The following USP24 variants were observed in gnomAD, a reference collection of about 807,000 sequenced individuals.
USP24 encodes the protein ubiquitin specific peptidase 24.
USP24 carries 97 observed loss-of-function variants against 361.6 expected under a neutral mutation model. The observed-to-expected ratio is 0.27, with a 90% CI of 0.23 to 0.32. The LOEUF (loss-of-function observed/expected upper bound fraction) is 0.32. USP24 is among the 10% of genes least tolerant of loss of function. The pLI is 1.00. For synonymous variants in USP24, 1,098 were observed against 1,124.6 expected (o/e 0.98, Z 0.47); for missense variants, 2,353 against 3,165.6 (o/e 0.74, Z 6.16).
chr1:55,129,143 C>A (rs1646522179), intron 32 of USP24, among the ~76,000 whole-genome samples: 1 of 152,154 alleles, frequency 6.6e-6, no homozygotes, highest in Non-Finnish European at 1.5e-5. Flanking sequence ...ATACCTTGCA[C>A]AATATGGATT....
intron 1 of USP24, among the ~76,000 whole-genome samples, chr1:55,187,665 A>G (rs1044211573): frequency 1.3e-5 from 2 of 152,190 alleles, no homozygotes; most frequent in African/African-American, 4.8e-5. Flanking sequence ...ACAATGGGTA[A>G]TCCTAAAATA....
chr1:55,138,653 G>C lies in USP24; in HGVS notation c.2883C>G (p.Thr961=), dbSNP rs987720417. Residue 961 remains threonine, a synonymous_variant, in exon 26 of 68, where the codon ACC becomes ACG. Transcript: ENST00000294383. ...TGGTAGACTCATAGGTAACATTAAG[G>C]GTTAAAAGATGTCCATGAAATGAGG... is the stretch of plus-strand genomic sequence containing the variant. ...HGASFHGHLL[T]LNVTYESTKD... is the part of the protein sequence containing the mutation. 6.2e-7 allele frequency: 1 copy of C among 1,613,010 alleles called. No individual in the cohort carries two copies.
intron 1 of USP24, among the ~76,000 whole-genome samples, chr1:55,188,159 T>C (rs1383756496): frequency 1.3e-5 from 2 of 152,048 alleles, no homozygotes; most frequent in Admixed American, 6.6e-5. Context: ...AAAAAAGTAA[T>C]CCAATGGAGG....
chr1:55,198,916 C>T (rs10465803), intron 1 of USP24, among the ~76,000 whole-genome samples: 5,236 of 152,214 alleles, frequency 0.034, 230 homozygotes, highest in African/African-American at 0.1. Flanking sequence ...ATCTTTTAAA[C>T]ATAAGAGATC....
chr1:55,200,608 G>A (rs1644544372), intron 1 of USP24, among the ~76,000 whole-genome samples: 1 of 152,096 alleles, frequency 6.6e-6, no homozygotes, highest in African/African-American at 2.4e-5. Flanking sequence ...AGCTCACTTG[G>A]ATTAACAGTG....
At position 55,154,445 on chromosome 1, in the gene USP24, T is replaced by C; in HGVS notation, c.1576A>G (p.Arg526Gly). Residue 526 changes from arginine (R) to glycine (G), a missense_variant, in exon 14 of 68, where the codon AGA becomes GGA. Arg to Gly is a moderately radical substitution (Grantham distance 125). Around this residue, in one of 8 missense-constraint regions of USP24, gnomAD observed 386 missense variants for 560.5 expected, o/e 0.69. Transcript: ENST00000294383. ...AGGCTCAAAAGCTTCTGTCTTACTCTATCACTCTCAGTCTCCCAGCTCTGT... is the reference window on the plus strand; with the variant it reads ...AGGCTCAAAAGCTTCTGTCTTACTCCATCACTCTCAGTCTCCCAGCTCTGT... ...IQKSWETESD[R>G]VRQKLLSLIG... is the part of the protein sequence containing the mutation. 6.4e-7 allele frequency: 1 copy of C among 1,551,488 alleles called. No homozygotes were observed. Among genetic ancestry groups the C allele is most frequent in the Non-Finnish European group, 8.7e-7 (1 of 1,146,820 alleles).
chr1:55,201,600 CAAAAAAAAAAAAAAAAAAA>C (rs56659823), intron 1 of USP24, among the ~76,000 whole-genome samples: 484 of 35,506 alleles, frequency 0.014, 12 homozygotes, highest in Admixed American at 0.04. Context: ...GACTCCATCT[CAAAAAAAAAAAAAAAAAAA>C]AAAAAAAAAA....
chr1:55,120,465 A>T lies in USP24; in HGVS notation c.4508+131T>A. On this transcript the variant is annotated intron_variant, in intron 38 of 67. Transcript: ENST00000294383. ...TCCTATCCAAATGCCATCTTTCAGG[A>T]CCCAAATTTCAGAAGAAGAAAGAAA... 8.1e-6 allele frequency: 9 copies of T among 1,111,740 alleles called. No individual in the cohort carries two copies. In the South Asian group the frequency reaches 1.7e-4, roughly 21 times the overall value. 68.9% of individuals were successfully genotyped at this position (1,111,740 alleles called of 1,614,324 possible).
intron 38 of USP24, among the ~76,000 whole-genome samples, chr1:55,117,158 C>A (rs1227643220): frequency 6.6e-6 from 1 of 152,116 alleles, no homozygotes; most frequent in East Asian, 1.9e-4. Context: ...AAACACTTAA[C>A]AAACTACAAA....
chr1:55,202,429 G>T (rs1453184940), intron 1 of USP24, among the ~76,000 whole-genome samples: 1 of 151,216 alleles, frequency 6.6e-6, no homozygotes, highest in East Asian at 1.9e-4. Context: ...TTTTGAGATG[G>T]AGTCTCACTC....
intron 8 of USP24, 69 bp from the exon 9 acceptor site, chr1:55,159,754 T>TA (rs1365921700): frequency 7.4e-7 from 1 of 1,350,254 alleles, no homozygotes; most frequent in East Asian, 2.5e-5. Context: ...GAATACTTCT[T>TA]CATCTACAAT....
At chr1:55,183,071 A>C (rs1210016350) in intron 1 of USP24, among the ~76,000 whole-genome samples, 1 of 152,220 alleles carries the variant, frequency 6.6e-6, no homozygotes, top group Non-Finnish European at 1.5e-5. Flanking sequence ...TGCCAGAGTC[A>C]CCAAAGACAA....
intron 61 of USP24, 92 bp from the exon 62 acceptor site, chr1:55,077,392 C>A (rs1184040149): frequency 1.7e-6 from 2 of 1,175,584 alleles, no homozygotes; most frequent in African/African-American, 3.1e-5. Flanking sequence ...GCTCTATCAC[C>A]TTCTGGCCGA....
chr1:55,137,369 A>C (rs879747044), intron 28 of USP24, 146 bp downstream of exon 28: 26 of 1,054,434 alleles, frequency 2.5e-5, no homozygotes, highest in African/African-American at 3.2e-5. Flanking sequence ...AGTGGGATGA[A>C]GAGATTTTTT....
intron 44 of USP24, among the ~76,000 whole-genome samples, chr1:55,100,315 G>A (rs1051426948): frequency 1.3e-5 from 2 of 152,098 alleles, no homozygotes; most frequent in African/African-American, 4.8e-5. Context: ...TGACCAACAC[G>A]GAGAAACCCC....
intron 1 of USP24, among the ~76,000 whole-genome samples, chr1:55,198,849 G>C (rs985129408): frequency 7.2e-5 from 11 of 152,128 alleles, no homozygotes; most frequent in African/African-American, 2.7e-4. Flanking sequence ...TTTTCGTTTG[G>C]TTTTCCTTAA....
Position 55,215,032 on chromosome 1 carries a change from G to A in USP24, c.82C>T (p.Arg28Cys). 1.4e-6 allele frequency: 2 copies of A among 1,474,522 alleles called. No homozygotes were observed. Among genetic ancestry groups the A allele is most frequent in the East Asian group, 2.8e-5 (1 of 35,540 alleles). 91.3% of individuals were successfully genotyped at this position (1,474,522 alleles called of 1,614,324 possible). A position where few individuals can be genotyped will look rare whatever the true frequency, so the allele number is the denominator to read the frequency against. The change falls in exon 1 of 68, where the codon CGC (arginine) becomes TGC (cysteine). Residue 28 changes from arginine (R) to cysteine (C), a missense_variant. By Grantham distance (180) the Arg-to-Cys change is radical. Transcript: ENST00000294383. The stretch of plus-strand genomic sequence containing the variant: ...TCGTTAATGTCGTTCTTGGCCAGGC[G>A]CAGGGCCTTGCGGATGGTGGCGGGG... ...SDPATIRKAL[R>C]LAKNDINEAV...
chr1:55,183,037 G>A lies in USP24; in HGVS notation c.325-4905C>T, dbSNP rs148266610. Among the ~76,000 whole-genome samples the A allele has an allele frequency of 3.1e-3, 479 of 152,162 alleles. 1 individual carries two copies. The highest frequency in any genetic ancestry group is 0.011 in the African/African-American group (444 of 41,528). On this transcript the variant is annotated intron_variant, in intron 1 of 67. Transcript: ENST00000294383. ...CCTGGCCAAAAAACAGTCTAAAAATGGTCTAGCCTCTATTCCTAAAAAATG... is the reference window on the plus strand; with the variant it reads ...CCTGGCCAAAAAACAGTCTAAAAATAGTCTAGCCTCTATTCCTAAAAAATG...
At chr1:55,096,856 G>A in intron 49 of USP24, 96 bp downstream of exon 49, 1 of 1,456,810 alleles carries the variant, frequency 6.9e-7, no homozygotes, top group Non-Finnish European at 9.3e-7. Flanking sequence ...CAAGAACAAT[G>A]CCAAAGTGTC....
Sources: allele counts gnomAD v4.1 joint callset (sites outside exome capture counted in the v4.1 genomes callset), GRCh38; gene constraint gnomAD v4.1.1; regional missense constraint gnomAD v4.1.1; transcripts MANE v1.5; gene names NCBI Gene and HGNC (gene_info 2026-07-23, HGNC 2026-07-21).